Variants in RALGAPA2 observed in about 807,000 individuals in gnomAD.
RALGAPA2 encodes ral GTPase-activating protein subunit alpha-2.
In RALGAPA2, 139 loss-of-function variants were observed where a neutral mutation model predicts 230.4. The observed-to-expected ratio is 0.60, with a 90% CI of 0.53 to 0.69. The LOEUF (loss-of-function observed/expected upper bound fraction) is 0.69, where lower values mean the gene tolerates loss of function less well. Ranked by LOEUF, RALGAPA2 falls within the 30% of genes least tolerant of loss-of-function variation. The pLI is 0.00. For synonymous variants in RALGAPA2, 847 were observed against 837.8 expected, an observed-to-expected ratio of 1.01 and a Z score of -0.19; for missense variants, 2,163 against 2,276.0, an observed-to-expected ratio of 0.95 and a Z score of 1.01.
chr20:20,473,439 C>A (rs764470105), intron 36 of RALGAPA2, among the ~76,000 whole-genome samples: 3 of 152,140 alleles, frequency 2.0e-5, no homozygotes, highest in African/African-American at 7.2e-5. Flanking sequence ...TCATTCTTCT[C>A]GACCTTTTCC....
chr20:20,652,839 C>T (rs749257606), intron 4 of RALGAPA2, among the ~76,000 whole-genome samples: 3 of 152,114 alleles, frequency 2.0e-5, no homozygotes, highest in Non-Finnish European at 4.4e-5. Flanking sequence ...CCTCTCAATG[C>T]CACATCCTAA....
At chr20:20,505,754 G>A (rs1283463572) in intron 33 of RALGAPA2, among the ~76,000 whole-genome samples, 3 of 152,104 alleles carry the variant, frequency 2.0e-5, no homozygotes, top group African/African-American at 7.2e-5. Flanking sequence ...TAGTAGAGGT[G>A]GTTGAAAGGA....
At chr20:20,490,439 T>C (rs2123553269) in intron 36 of RALGAPA2, among the ~76,000 whole-genome samples, 1 of 152,334 alleles carries the variant, frequency 6.6e-6, no homozygotes, top group East Asian at 1.9e-4. Context: ...ATTCTGGTTG[T>C]TTGGTATTTT....
chr20:20,558,062 T>C (rs1175942815), intron 23 of RALGAPA2, among the ~76,000 whole-genome samples: 1 of 152,202 alleles, frequency 6.6e-6, no homozygotes, highest in Non-Finnish European at 1.5e-5. Flanking sequence ...TGGAGTGCAG[T>C]GGCGCAATCT....
At chr20:20,435,328 T>G (rs1434088233) in intron 37 of RALGAPA2, among the ~76,000 whole-genome samples, 2 of 152,150 alleles carry the variant, frequency 1.3e-5, no homozygotes, top group African/African-American at 4.8e-5. Flanking sequence ...ACTTCAGAGA[T>G]GGAGGGTGTT....
In RALGAPA2 at chr20:20,547,645, T is replaced by TTG. The variant is rs145560536; in HGVS notation, c.3157-815_3157-814dup. 9.1e-3 allele frequency among the ~76,000 whole-genome samples: 1,373 copies of TTG among 151,678 alleles called. 13 individuals are homozygous for TTG. Among genetic ancestry groups the TTG allele is most frequent in the African/African-American group, 0.027 (1,103 of 41,400 alleles). Reference sequence around the variant, plus strand: ...TCTGAAGCCATCTGTGCAAGCGTGTTTGTGTGTGTGTGTGTGTAACAGGAA... The same window carrying TTG: ...TCTGAAGCCATCTGTGCAAGCGTGTTTGTGTGTGTGTGTGTGTGTAACAGGAA... On this transcript the variant is annotated intron_variant, in intron 23 of 39. Coordinates refer to ENST00000202677, the MANE Select transcript of RALGAPA2 (RefSeq NM_020343.4).
intron 37 of RALGAPA2, among the ~76,000 whole-genome samples, chr20:20,432,424 G>A (rs1191479309): frequency 6.6e-6 from 1 of 152,170 alleles, no homozygotes; most frequent in Non-Finnish European, 1.5e-5. Flanking sequence ...CCTTTTCAAA[G>A]GTGAGCGCCG....
At position 20,620,506 on chromosome 20, in the gene RALGAPA2, T is replaced by C; in HGVS notation, c.1358A>G (p.Glu453Gly). The change falls in exon 11 of 40, where the codon GAA becomes GGA. Residue 453 changes from glutamate to glycine, a missense_variant. Physicochemically the swap from Glu to Gly is moderately conservative, Grantham distance 98. Transcript: ENST00000202677. Reference protein sequence around the residue: ...EEPDRKDVAQEDAEKLGFSET... With the variant: ...EEPDRKDVAQGDAEKLGFSET... The stretch of plus-strand genomic sequence containing the variant: ...GGAAAATCCTAATTTTTCAGCATCT[T>C]CTTGGGCAACATCTTTTCTATCTGG... The C allele has an allele frequency of 6.2e-7, 1 of 1,613,978 alleles. No homozygotes were observed. Among genetic ancestry groups the C allele is most frequent in the South Asian group, 1.1e-5 (1 of 91,082 alleles).
intron 27 of RALGAPA2, among the ~76,000 whole-genome samples, chr20:20,530,264 T>A (rs916744875): frequency 6.6e-6 from 1 of 152,166 alleles, no homozygotes; most frequent in African/African-American, 2.4e-5. Flanking sequence ...CGGATTAAAC[T>A]TGCCTACAAA....
intron 36 of RALGAPA2, among the ~76,000 whole-genome samples, chr20:20,492,763 C>T (rs1362272040): frequency 6.6e-6 from 1 of 152,136 alleles, no homozygotes; most frequent in African/African-American, 2.4e-5. Context: ...GGAATGCATT[C>T]ATACTAACAG....
intron 36 of RALGAPA2, among the ~76,000 whole-genome samples, chr20:20,483,086 T>C (rs1349302006): frequency 6.6e-6 from 1 of 152,148 alleles, no homozygotes; most frequent in East Asian, 1.9e-4. Context: ...AGATAAGATC[T>C]GGTGGGTGGT....
chr20:20,605,496 TTAA>T, intron 14 of RALGAPA2, 84 bp from the exon 15 acceptor site: 2 of 985,044 alleles, frequency 2.0e-6, no homozygotes, highest in South Asian at 3.4e-5. Context: ...TAAATTACTA[TTAA>T]TAACACAAAT....
intron 23 of RALGAPA2, among the ~76,000 whole-genome samples, chr20:20,554,009 T>C (rs959018504): frequency 3.9e-5 from 6 of 152,230 alleles, no homozygotes; most frequent in African/African-American, 1.4e-4. Flanking sequence ...TATATATTCA[T>C]ATATAATGAA....
chr20:20,614,124 G>A (rs1413012340), intron 13 of RALGAPA2, among the ~76,000 whole-genome samples: 1 of 152,136 alleles, frequency 6.6e-6, no homozygotes, highest in African/African-American at 2.4e-5. Flanking sequence ...AGGGATGGGA[G>A]GCAAGGGATT....
intron 19 of RALGAPA2, 142 bp downstream of exon 19, chr20:20,584,723 G>A: frequency 1.7e-6 from 1 of 579,510 alleles, no homozygotes; most frequent in Admixed American, 3.3e-5. Flanking sequence ...TGAGGCTGCA[G>A]TGAGCCATGA....
chr20:20,524,702 A>C (rs1440024543), intron 29 of RALGAPA2, 128 bp downstream of exon 29: 6 of 1,305,718 alleles, frequency 4.6e-6, no homozygotes, highest in African/African-American at 1.5e-5. Flanking sequence ...CATTTTCACA[A>C]AAAAGACTGT....
chr20:20,629,230 TG>T, intron 10 of RALGAPA2, 132 bp downstream of exon 10: 1 of 719,364 alleles, frequency 1.4e-6, no homozygotes. Context: ...TATTCAGTTC[TG>T]TAACATAACC....
intron 3 of RALGAPA2, among the ~76,000 whole-genome samples, chr20:20,664,573 A>G (rs1345602152): frequency 6.6e-6 from 1 of 152,136 alleles, no homozygotes; most frequent in African/African-American, 2.4e-5. Flanking sequence ...GTCACAACCA[A>G]ATCTGCCATG....
intron 38 of RALGAPA2, among the ~76,000 whole-genome samples, chr20:20,408,325 G>A (rs961574515): frequency 6.6e-6 from 1 of 152,182 alleles, no homozygotes; most frequent in African/African-American, 2.4e-5. Flanking sequence ...AGCTGTGACC[G>A]TAATAGTGAT....
Sources: allele counts gnomAD v4.1 joint callset (sites outside exome capture counted in the v4.1 genomes callset), GRCh38; gene constraint gnomAD v4.1.1; transcripts MANE v1.5; gene names NCBI Gene and HGNC (gene_info 2026-07-23, HGNC 2026-07-21).